Variants in CSMD1 observed in about 807,000 individuals in gnomAD.
CSMD1 encodes CUB and Sushi multiple domains 1.
In CSMD1, 213 loss-of-function variants were observed where a neutral mutation model predicts 417.5. The observed-to-expected ratio is 0.51, with a 90% CI of 0.46 to 0.57. CSMD1 has a LOEUF of 0.57. CSMD1 is among the 20% of genes least tolerant of loss of function. The pLI, the probability that CSMD1 is intolerant of heterozygous loss-of-function variation, is 0.00. For missense variants in CSMD1, 6,923 were observed against 4,529.7 expected (o/e 1.53, Z -15.17); for synonymous variants, 2,862 against 1,736.8 (o/e 1.65, Z -16.11).
intron 54 of CSMD1, among the ~76,000 whole-genome samples, chr8:2,992,480 G>T (rs1434956334): frequency 1.3e-5 from 2 of 151,956 alleles, no homozygotes; most frequent in African/African-American, 4.8e-5. Flanking sequence ...CTGGAGTGCA[G>T]TGGCGTGATC....
intron 7 of CSMD1, among the ~76,000 whole-genome samples, chr8:3,636,361 A>G (rs978050373): frequency 1.3e-5 from 2 of 152,166 alleles, no homozygotes; most frequent in Non-Finnish European, 2.9e-5. Context: ...GATTTTTAGT[A>G]GAGATGAGGG....
At position 3,593,371 on chromosome 8, in the gene CSMD1, T is replaced by G. The variant is rs182475580; in HGVS notation, c.1098-7111A>C. Reference sequence around the variant, plus strand: ...GTCTGGAGAAGGTGGGAGGAGCCCGTGATGGAGAAGGTCAAGCCCATGAGC... The same window carrying G: ...GTCTGGAGAAGGTGGGAGGAGCCCGGGATGGAGAAGGTCAAGCCCATGAGC... On this transcript the variant is annotated intron_variant, in intron 8 of 69. Transcript: ENST00000635120. 2.5e-4 allele frequency among the ~76,000 whole-genome samples: 38 copies of G among 152,300 alleles called. No individual in the cohort carries two copies. In the East Asian group the frequency reaches 7.4e-3, roughly 29 times the overall value.
intron 12 of CSMD1, among the ~76,000 whole-genome samples, chr8:3,412,957 A>G (rs1812908382): frequency 6.6e-6 from 1 of 152,214 alleles, no homozygotes; most frequent in Non-Finnish European, 1.5e-5. Flanking sequence ...GTCCTGGCAT[A>G]GCACAAATCT....
chr8:3,091,561 T>C lies in CSMD1; in HGVS notation c.7240A>G (p.Thr2414Ala), dbSNP rs1250970430. The C allele has an allele frequency of 1.9e-6, 3 of 1,610,266 alleles. No individual in the cohort carries two copies. Among genetic ancestry groups the C allele is most frequent in the South Asian group, 2.2e-5 (2 of 90,422 alleles). ...CCTTTCTTACTGGTGGCATGGTCAGTGGACCAGCGGAGATATAACTGATTA... is the reference window on the plus strand; with the variant it reads ...CCTTTCTTACTGGTGGCATGGTCAGCGGACCAGCGGAGATATAACTGATTA... ...RSNQLYLRWS[T>A]DHATSKKGFK... The change falls in exon 48 of 70, where the codon ACT becomes GCT. Residue 2414 changes from threonine to alanine, a missense_variant. Physicochemically the swap from Thr to Ala is moderately conservative, Grantham distance 58. Coordinates refer to ENST00000635120, the MANE Select transcript of CSMD1 (RefSeq NM_033225.6).
At chr8:3,743,221 T>C (rs10096790) in intron 6 of CSMD1, among the ~76,000 whole-genome samples, 79,237 of 152,076 alleles carry the variant, frequency 0.52, 20,782 homozygotes, top group East Asian at 0.66. Flanking sequence ...TGCCCTTTTT[T>C]TGTGGTTTTA....
At chr8:2,992,291 G>A (rs149835716) in intron 54 of CSMD1, among the ~76,000 whole-genome samples, 15 of 152,296 alleles carry the variant, frequency 9.8e-5, no homozygotes, top group African/African-American at 2.9e-4. Context: ...TGGGCTTAGC[G>A]TTTTGTTTTG....
At chr8:4,707,451 T>G (rs10087682) in intron 1 of CSMD1, among the ~76,000 whole-genome samples, 140,474 of 152,036 alleles carry the variant, frequency 0.92, 65,030 homozygotes, top group East Asian at 0.99. Flanking sequence ...TGGTGGAAGG[T>G]CAGATTAACA....
chr8:3,542,365 T>G (rs1798476130), intron 10 of CSMD1, among the ~76,000 whole-genome samples: 1 of 152,318 alleles, frequency 6.6e-6, no homozygotes, highest in East Asian at 1.9e-4. Flanking sequence ...GATAGGTAAT[T>G]AGTTATTTTA....
intron 1 of CSMD1, among the ~76,000 whole-genome samples, chr8:4,733,404 T>A (rs1475673666): frequency 6.6e-6 from 1 of 152,178 alleles, no homozygotes; most frequent in Non-Finnish European, 1.5e-5. Context: ...AATAACCATA[T>A]CTTGGAAAGA....
intron 3 of CSMD1, among the ~76,000 whole-genome samples, chr8:4,069,814 C>G (rs1178100371): frequency 6.6e-6 from 1 of 152,228 alleles, no homozygotes; most frequent in Non-Finnish European, 1.5e-5. Flanking sequence ...CGACAACTCA[C>G]TACTGAAAGA....
At chr8:3,742,752 A>G (rs1796876174) in intron 6 of CSMD1, among the ~76,000 whole-genome samples, 1 of 151,506 alleles carries the variant, frequency 6.6e-6, no homozygotes, top group South Asian at 2.1e-4. Flanking sequence ...AAAAAACAAA[A>G]ACAAAACGAA....
At chr8:4,655,562 A>G (rs1057096956) in intron 1 of CSMD1, among the ~76,000 whole-genome samples, 4 of 152,140 alleles carry the variant, frequency 2.6e-5, no homozygotes, top group African/African-American at 9.7e-5. Flanking sequence ...AGAGGAAATA[A>G]ACAGTTGAAT....
chr8:4,958,898 G>A (rs930964997), intron 1 of CSMD1, among the ~76,000 whole-genome samples: 1 of 152,076 alleles, frequency 6.6e-6, no homozygotes, highest in Non-Finnish European at 1.5e-5. Context: ...CTTCAACAAA[G>A]AGGAAAGAAT....
intron 26 of CSMD1, among the ~76,000 whole-genome samples, chr8:3,238,075 T>A (rs1280090380): frequency 1.3e-5 from 2 of 151,892 alleles, no homozygotes; most frequent in Non-Finnish European, 2.9e-5. Flanking sequence ...GCAGACGGGC[T>A]GAGTCCGAAA....
intron 29 of CSMD1, among the ~76,000 whole-genome samples, chr8:3,218,826 C>T (rs1798035673): frequency 6.6e-6 from 1 of 151,776 alleles, no homozygotes; most frequent in Non-Finnish European, 1.5e-5. Flanking sequence ...GAGCTGACAT[C>T]GTGCCATTGC....
At chr8:4,787,779 T>A (rs1797484657) in intron 1 of CSMD1, 5 of 1,575,340 alleles carry the variant, frequency 3.2e-6, no homozygotes, top group Middle Eastern at 2.3e-4. Context: ...CTGGACTTGT[T>A]ACAGGCCAGA....
intron 3 of CSMD1, among the ~76,000 whole-genome samples, chr8:4,110,419 G>T (rs902379860): frequency 6.6e-6 from 1 of 152,056 alleles, no homozygotes; most frequent in African/African-American, 2.4e-5. Flanking sequence ...TAGTACTCTG[G>T]AAATCTACAT....
At chr8:3,476,135 G>C (rs948753199) in intron 11 of CSMD1, among the ~76,000 whole-genome samples, 32 of 152,146 alleles carry the variant, frequency 2.1e-4, no homozygotes, top group Admixed American at 1.4e-3. Context: ...TTGAGTCCAG[G>C]AGTTCAAGAC....
intron 50 of CSMD1, among the ~76,000 whole-genome samples, chr8:3,048,331 C>T (rs980921678): frequency 2.0e-5 from 3 of 152,058 alleles, no homozygotes; most frequent in East Asian, 1.9e-4. Context: ...CATATTCTGT[C>T]GTAGCCAAAT....
Sources: allele counts gnomAD v4.1 joint callset (sites outside exome capture counted in the v4.1 genomes callset), GRCh38; gene constraint gnomAD v4.1.1; transcripts MANE v1.5; gene names NCBI Gene and HGNC (gene_info 2026-07-23, HGNC 2026-07-21).